Variants in ERO1B observed in about 807,000 individuals in gnomAD.
ERO1B encodes the protein endoplasmic reticulum oxidoreductase 1 beta.
A neutral mutation model predicts 75.3 loss-of-function variants in ERO1B; 49 were observed. The ratio of observed to expected loss-of-function variants is 0.65; its 90% CI spans 0.52 to 0.83. The LOEUF (loss-of-function observed/expected upper bound fraction) is 0.83. Among genes scored for constraint, ERO1B ranks in the 40% least tolerant of loss-of-function variants. The pLI is 0.00. For missense variants in ERO1B, 512 were observed against 560.1 expected (o/e 0.91, Z 0.87); for synonymous variants, 191 against 192.9 (o/e 0.99, Z 0.08).
intron 5 of ERO1B, among the ~76,000 whole-genome samples, chr1:236,248,558 A>G (rs1664940917): frequency 6.6e-6 from 1 of 152,256 alleles, no homozygotes; most frequent in Non-Finnish European, 1.5e-5. Context: ...GATGAAAATC[A>G]TTCATCAGTT....
intron 1 of ERO1B, among the ~76,000 whole-genome samples, chr1:236,280,825 C>G (rs559887600): frequency 3.0e-4 from 46 of 152,304 alleles, no homozygotes; most frequent in Admixed American, 1.6e-3. Context: ...GCAGTGCTGC[C>G]TCCTTGCAGC....
intron 13 of ERO1B, among the ~76,000 whole-genome samples, chr1:236,223,781 G>C (rs1449702520): frequency 2.0e-5 from 3 of 152,136 alleles, no homozygotes; most frequent in Non-Finnish European, 4.4e-5. Context: ...TTGATACTTA[G>C]AAAACAGGAA....
chr1:236,239,835 G>GTATATATATATGTATATATA (rs764354290), intron 6 of ERO1B, among the ~76,000 whole-genome samples: 1 of 42,352 alleles, frequency 2.4e-5, no homozygotes, highest in African/African-American at 4.8e-5. Context: ...GTATATATAT[G>GTATATATATATGTATATATA]TGTATATATA....
At chr1:236,272,490 T>G (rs1481601693) in intron 1 of ERO1B, among the ~76,000 whole-genome samples, 1 of 152,182 alleles carries the variant, frequency 6.6e-6, no homozygotes, top group African/African-American at 2.4e-5. Context: ...TGTTCTCACT[T>G]GTAAGTGGGA....
chr1:236,235,959 T>G, intron 7 of ERO1B, 124 bp from the exon 8 acceptor site: 2 of 841,946 alleles, frequency 2.4e-6, no homozygotes, highest in Non-Finnish European at 3.7e-6. Context: ...GAGTTTCACT[T>G]AGTCACCCAG....
At chr1:236,245,044 T>G (rs1259557720) in intron 5 of ERO1B, among the ~76,000 whole-genome samples, 1 of 151,524 alleles carries the variant, frequency 6.6e-6, no homozygotes, top group Admixed American at 6.6e-5. Context: ...CAGGCTGGAG[T>G]GCACTGACAT....
At chr1:236,220,235 A>C (rs1056241014) in intron 15 of ERO1B, 1 of 149,220 alleles carries the variant, frequency 6.7e-6, no homozygotes, top group Non-Finnish European at 1.5e-5. Context: ...ATTTTCTGTG[A>C]TTCTTTTCCT....
intron 5 of ERO1B, among the ~76,000 whole-genome samples, chr1:236,246,327 C>T (rs12043076): frequency 0.069 from 10,421 of 152,046 alleles, 745 homozygotes; most frequent in East Asian, 0.39. Flanking sequence ...TGCCACTGCA[C>T]CTGGCTATTT....
chr1:236,260,476 A>C (rs1665269609), intron 2 of ERO1B, among the ~76,000 whole-genome samples: 1 of 152,108 alleles, frequency 6.6e-6, no homozygotes, highest in Non-Finnish European at 1.5e-5. Context: ...ACCAGCCTGG[A>C]CAACATGGTG....
intron 5 of ERO1B, among the ~76,000 whole-genome samples, chr1:236,247,152 G>C (rs1388625996): frequency 7.9e-5 from 12 of 152,136 alleles, no homozygotes; most frequent in Admixed American, 7.2e-4. Flanking sequence ...TCTCATTTAG[G>C]TTTATGGCTG....
Position 236,281,842 on chromosome 1 carries a change from G to C in ERO1B, c.-59C>G. On this transcript the variant is annotated 5_prime_UTR_variant, in exon 1 of 16. Coordinates refer to ENST00000354619, the MANE Select transcript of ERO1B (RefSeq NM_019891.4). Reference sequence around the variant, plus strand: ...CCCTCGGGGCCGGGGAACGACGGGCGGCCCAGGCGACGACCCAAGGGGACG... The same window carrying C: ...CCCTCGGGGCCGGGGAACGACGGGCCGCCCAGGCGACGACCCAAGGGGACG... 1 of 1,284,362 alleles carries C rather than the reference G, an allele frequency of 7.8e-7. No individual in the cohort carries two copies. The highest frequency in any genetic ancestry group is 1.0e-6 in the Non-Finnish European group (1 of 989,628). The allele number at this position is 1,284,362 out of a possible 1,614,324, so 79.6% of individuals were successfully genotyped here. A position where few individuals can be genotyped will look rare whatever the true frequency, so the allele number is the denominator to read the frequency against.
chr1:236,221,079 G>T, intron 14 of ERO1B, 114 bp from the exon 15 acceptor site: 1 of 747,462 alleles, frequency 1.3e-6, no homozygotes, highest in Admixed American at 4.0e-5. Context: ...TATGAACTGA[G>T]CTTTTCACAA....
rs1010066812 is a variant in ERO1B, at chr1:236,233,051, G to A, written c.674-212C>T. ...TTGGCCAGGCGTGGTGGCTCACGGC[G>A]GTAATCCCAGGACTTTGGGAGGCCA... On this transcript the variant is annotated intron_variant, in intron 8 of 15. Transcript: ENST00000354619. Among the ~76,000 whole-genome samples the A allele has an allele frequency of 2.2e-4, 33 of 151,094 alleles. 2 individuals carry two copies. Among genetic ancestry groups the A allele is most frequent in the Admixed American group, 6.6e-4 (10 of 15,164 alleles).
intron 2 of ERO1B, among the ~76,000 whole-genome samples, chr1:236,253,920 A>T (rs1726657): frequency 0.25 from 37,714 of 152,124 alleles, 4,855 homozygotes; most frequent in East Asian, 0.38. Flanking sequence ...AATATTTGTA[A>T]GTTTAGTACG....
rs61736438 is a variant in ERO1B at position 236,218,524 on chromosome 1, T to C, written c.1396A>G (p.Ser466Gly). The change falls in exon 16 of 16, where the codon AGT becomes GGT. Residue 466 changes from serine (S) to glycine (G), a missense_variant. Ser to Gly is a moderately conservative substitution (Grantham distance 56, BLOSUM62 0). Coordinates refer to ENST00000354619, the MANE Select transcript of ERO1B (RefSeq NM_019891.4). ...ACACATAAAAGCCTTTATTACCTAC[T>C]GTGTTGTAATAAGACTTTAAAATTC... ...LQNFKVLLQH[S>G]R The C allele has an allele frequency of 1.1e-3, 1,561 of 1,438,170 alleles. 18 individuals are homozygous for C. In the African/African-American group the frequency reaches 0.017, roughly 16 times the overall value. 89.1% of individuals were successfully genotyped at this position (1,438,170 alleles called of 1,614,324 possible).
intron 1 of ERO1B, among the ~76,000 whole-genome samples, chr1:236,278,314 T>A (rs574788779): frequency 3.0e-4 from 46 of 152,182 alleles, no homozygotes; most frequent in Non-Finnish European, 3.7e-4. Context: ...TTATTCCCTT[T>A]ACTTAGAATG....
chr1:236,235,364 C>A (rs1177323885), intron 8 of ERO1B, among the ~76,000 whole-genome samples: 1 of 152,192 alleles, frequency 6.6e-6, no homozygotes, highest in Non-Finnish European at 1.5e-5. Flanking sequence ...TGTTACGAGA[C>A]ACTGGCTGTC....
intron 1 of ERO1B, among the ~76,000 whole-genome samples, chr1:236,277,419 A>G (rs1665734460): frequency 6.6e-6 from 1 of 152,114 alleles, no homozygotes; most frequent in Admixed American, 6.6e-5. Flanking sequence ...AAAAAAAAAA[A>G]AAAGAATGGA....
At chr1:236,233,670 C>A (rs529023542) in intron 8 of ERO1B, among the ~76,000 whole-genome samples, 2 of 151,984 alleles carry the variant, frequency 1.3e-5, no homozygotes, top group African/African-American at 4.8e-5. Context: ...GTCATAAAGA[C>A]CACTATTTTC....
Sources: gnomAD v4.1 joint callset for allele counts (sites outside exome capture counted in the v4.1 genomes callset) on GRCh38, gnomAD v4.1.1 for gene constraint, MANE v1.5 for transcripts, NCBI Gene and HGNC (gene_info 2026-07-23, HGNC 2026-07-21) for gene names.